Variants in TTC8 observed in about 807,000 individuals in gnomAD.
The protein encoded by TTC8 is tetratricopeptide repeat protein 8.
TTC8 carries 47 observed loss-of-function variants against 72.5 expected under a neutral mutation model. That is an observed-to-expected ratio of 0.65 (90% CI 0.51 to 0.83). The LOEUF (loss-of-function observed/expected upper bound fraction) is 0.83, where lower values mean the gene tolerates loss of function less well. Among genes scored for constraint, TTC8 ranks in the 40% least tolerant of loss-of-function variants. The pLI is 0.00. For synonymous variants in TTC8, 199 were observed against 221.4 expected (o/e 0.90, Z 0.90); for missense variants, 611 against 623.2 (o/e 0.98, Z 0.21).
intron 7 of TTC8, among the ~76,000 whole-genome samples, chr14:88,851,332 T>C (rs1303086308): frequency 6.6e-6 from 1 of 152,170 alleles, no homozygotes; most frequent in Non-Finnish European, 1.5e-5. Context: ...ATATCCTTAA[T>C]TGGATTAGCA....
chr14:88,831,707 GATTCTATCATCTATATTTTT>G (rs2094726889), intron 1 of TTC8, among the ~76,000 whole-genome samples: 1 of 152,182 alleles, frequency 6.6e-6, no homozygotes, highest in Non-Finnish European at 1.5e-5. Context: ...TTGCATGCAG[GATTCTATCATCTATATTTTT>G]CTTAAAGGAT....
intron 10 of TTC8, among the ~76,000 whole-genome samples, chr14:88,862,455 C>G (rs577809652): frequency 7.0e-6 from 1 of 143,850 alleles, no homozygotes; most frequent in Non-Finnish European, 1.5e-5. Flanking sequence ...TCCAGTGGAA[C>G]AGAATAGAAA....
At chr14:88,859,846 A>G (rs1478671963) in intron 9 of TTC8, among the ~76,000 whole-genome samples, 1 of 100,416 alleles carries the variant, frequency 1.0e-5, no homozygotes, top group African/African-American at 2.8e-5. Flanking sequence ...AAAATAATAT[A>G]AATATATAAT....
At chr14:88,875,524 A>G (rs925168358) in intron 14 of TTC8, among the ~76,000 whole-genome samples, 5 of 152,306 alleles carry the variant, frequency 3.3e-5, no homozygotes, top group Admixed American at 6.5e-5. Flanking sequence ...TGTGAAAACT[A>G]TCTTAGCTAT....
intron 8 of TTC8, among the ~76,000 whole-genome samples, chr14:88,856,094 G>T (rs1487429702): frequency 2.6e-5 from 4 of 152,264 alleles, no homozygotes; most frequent in Middle Eastern, 3.4e-3. Context: ...GAAAGAAAAA[G>T]ATTTGCATGT....
At chr14:88,874,304 G>A (rs1416165341) in intron 13 of TTC8, among the ~76,000 whole-genome samples, 4 of 152,114 alleles carry the variant, frequency 2.6e-5, no homozygotes, top group African/African-American at 9.7e-5. Context: ...GTCATGGATA[G>A]AAGTTTTAGA....
Position 88,877,219 on chromosome 14 carries a change from CTTA to C in TTC8, c.1432-72_1432-70del, listed in dbSNP as rs970994748. On this transcript the variant is annotated intron_variant, in intron 14 of 14. Coordinates refer to ENST00000380656, the MANE Select transcript of TTC8 (RefSeq NM_144596.4). ...TTTCTACAGCATGCAGATACTATGT[CTTA>C]TTTTCTTTTTTACTTCCTTACTCAT... The C allele has an allele frequency of 1.2e-4, 130 of 1,097,886 alleles. No individual in the cohort carries two copies. In the African/African-American group the frequency reaches 1.8e-3, roughly 16 times the overall value. The allele number at this position is 1,097,886 out of a possible 1,614,324, so 68.0% of individuals were successfully genotyped here.
chr14:88,839,325 A>G, intron 2 of TTC8, 127 bp from the exon 3 acceptor site: 1 of 923,864 alleles, frequency 1.1e-6, no homozygotes, highest in Non-Finnish European at 1.6e-6. Flanking sequence ...AATTAAAATA[A>G]TGTGTTAAGA....
At chr14:88,865,947 G>C (rs555979234) in intron 10 of TTC8, among the ~76,000 whole-genome samples, 39 of 152,106 alleles carry the variant, frequency 2.6e-4, no homozygotes, top group African/African-American at 9.4e-4. Context: ...GAGAAAGATA[G>C]CCTATTAAGC....
chr14:88,831,370 A>C (rs756891908), intron 1 of TTC8, among the ~76,000 whole-genome samples: 1 of 152,158 alleles, frequency 6.6e-6, no homozygotes, highest in Non-Finnish European at 1.5e-5. Context: ...GAGTATAAAT[A>C]CAGTTGCCAA....
Position 88,877,105 on chromosome 14 carries a change from G to A in TTC8, c.1432-189G>A, listed in dbSNP as rs972399113. Among the ~76,000 whole-genome samples, 60 of 151,620 alleles carry A rather than the reference G, an allele frequency of 4.0e-4. 1 individual carries two copies. The highest frequency in any genetic ancestry group is 1.4e-3 in the African/African-American group (58 of 41,240). On this transcript the variant is annotated intron_variant, in intron 14 of 14. Transcript: ENST00000380656. Reference sequence around the variant, plus strand: ...AATCTAGAATTCTAAAATCAAAGTAGCATAATTAAGCAATTTGCCTTTAAG... The same window carrying A: ...AATCTAGAATTCTAAAATCAAAGTAACATAATTAAGCAATTTGCCTTTAAG...
At position 88,855,627 on chromosome 14, in the gene TTC8, T is replaced by C. The variant is rs145267070; in HGVS notation, c.711-1563T>C. Among the ~76,000 whole-genome samples the C allele has an allele frequency of 3.1e-3, 465 of 152,342 alleles. 2 individuals are homozygous for C. The highest frequency in any genetic ancestry group is 0.011 in the African/African-American group (449 of 41,584). Reference sequence around the variant, plus strand: ...TTTATCTACATTGTTTTTAAAATAATCTATTTCTGTTTTCATATTCTTGTT... The same window carrying C: ...TTTATCTACATTGTTTTTAAAATAACCTATTTCTGTTTTCATATTCTTGTT... On this transcript the variant is annotated intron_variant, in intron 8 of 14. Transcript: ENST00000380656.
intron 8 of TTC8, among the ~76,000 whole-genome samples, chr14:88,856,164 C>T (rs2094855200): frequency 6.6e-6 from 1 of 152,194 alleles, no homozygotes. Flanking sequence ...TCTTTGATAA[C>T]ATTTTATAAA....
chr14:88,857,678 T>C (rs2094863231), intron 9 of TTC8, among the ~76,000 whole-genome samples: 1 of 152,194 alleles, frequency 6.6e-6, no homozygotes, highest in African/African-American at 2.4e-5. Flanking sequence ...ATAATAAAAA[T>C]AATACTTCAC....
At chr14:88,850,507 T>C (rs1016878509) in intron 7 of TTC8, among the ~76,000 whole-genome samples, 1 of 152,058 alleles carries the variant, frequency 6.6e-6, no homozygotes, top group African/African-American at 2.4e-5. Context: ...CTGGCTAACA[T>C]GGGGTGAAAC....
chr14:88,828,605 C>T (rs892099493), intron 1 of TTC8, among the ~76,000 whole-genome samples: 5 of 152,190 alleles, frequency 3.3e-5, no homozygotes, highest in African/African-American at 1.2e-4. Flanking sequence ...TACGTTTTCC[C>T]CTCCCCATTA....
Position 88,840,865 on chromosome 14 carries a change from GC to G in TTC8, c.269del (p.Pro90LeufsTer5), listed in dbSNP as rs1268406231. 6.2e-7 allele frequency: 1 copy of G among 1,613,986 alleles called. No homozygotes were observed. Among genetic ancestry groups the G allele is most frequent in the Non-Finnish European group, 8.5e-7 (1 of 1,179,936 alleles). On this transcript the variant is annotated frameshift_variant and splice_region_variant, in exon 4 of 15. Coordinates refer to ENST00000380656, the MANE Select transcript of TTC8 (RefSeq NM_144596.4). LOFTEE classifies it high-confidence loss of function. ...LDENAIAQVP[R>X]PGTSLKLPGT... ...TTGTATTAGCCATCTTGTCTCCTAG[GC>G]CCTGGAACGTCTTTGAAACTCCCTG...
chr14:88,861,585 C>A (rs2094886115), intron 10 of TTC8, among the ~76,000 whole-genome samples: 1 of 152,048 alleles, frequency 6.6e-6, no homozygotes, highest in East Asian at 1.9e-4. Context: ...AGAACTTATT[C>A]TTTATGTCTA....
chr14:88,850,210 A>G (rs946046695), intron 7 of TTC8, among the ~76,000 whole-genome samples: 2 of 152,242 alleles, frequency 1.3e-5, no homozygotes, highest in African/African-American at 4.8e-5. Flanking sequence ...TATGAATCTT[A>G]TTACTATGAC....
Sources: gnomAD v4.1 joint callset for allele counts (sites outside exome capture counted in the v4.1 genomes callset) on GRCh38, gnomAD v4.1.1 for gene constraint, MANE v1.5 for transcripts, NCBI Gene and HGNC (gene_info 2026-07-23, HGNC 2026-07-21) for gene names.